The following MAGT1 variants were observed in gnomAD, a reference collection of about 807,000 sequenced individuals.
MAGT1 encodes the protein magnesium transporter 1, also known as dolichyl-diphosphooligosaccharide--protein glycosyltransferase subunit MAGT1.
A neutral mutation model predicts 28.4 loss-of-function variants in MAGT1; 4 were observed. That is an observed-to-expected ratio of 0.14 (90% CI 0.07 to 0.32). The LOEUF (loss-of-function observed/expected upper bound fraction) is 0.32. Among genes scored for constraint, MAGT1 ranks in the 10% least tolerant of loss-of-function variants. MAGT1 has a pLI of 1.00. For missense variants in MAGT1, 193 were observed against 264.5 expected (o/e 0.73, Z 1.88); for synonymous variants, 89 against 89.7 (o/e 0.99, Z 0.04).
At position 77,841,274 on chromosome X, in the gene MAGT1, G is replaced by A; in HGVS notation, c.873C>T (p.Thr291=). Residue 291 remains threonine (T), a synonymous_variant, in exon 8 of 10, where the codon ACC becomes ACT. Transcript: ENST00000618282. The stretch of plus-strand genomic sequence containing the variant: ...TTCGCTTTCCAATATCCATGTCAGA[G>A]GTAGCAGCTTCACATAAAAGCACCA... ...LGMVLLCEAA[T]SDMDIGKRKI... 1 of 1,207,493 alleles carries A rather than the reference G, an allele frequency of 8.3e-7. No individual in the cohort carries two copies. The highest frequency in any genetic ancestry group is 1.8e-5 in the South Asian group (1 of 56,899).
chrX:77,885,522 CA>C (rs1306233040), intron 1 of MAGT1: 141 of 80,513 alleles, frequency 1.8e-3, no homozygotes, highest in Admixed American at 2.7e-3. Context: ...GACTCTGTCT[CA>C]AAAAAAAAAA....
rs1196099079 is a variant in MAGT1 at position 77,834,245 on chromosome X, C to CATAT, written c.902-3354_902-3351dup. Among the ~76,000 whole-genome samples the CATAT allele has an allele frequency of 1.7e-4, 10 of 60,305 alleles. No homozygotes were observed. The East Asian group carries it at 3.5e-3, about 21-fold the overall frequency. The allele number at this position is 60,305 out of a possible 115,157, so 52.4% of individuals were successfully genotyped here. A position where few individuals can be genotyped will look rare whatever the true frequency, so the allele number is the denominator to read the frequency against. On this transcript the variant is annotated intron_variant, in intron 8 of 9. Coordinates refer to ENST00000618282, the MANE Select transcript of MAGT1 (RefSeq NM_001367916.1). ...ATATATGCATATATGTATATATATG[C>CATAT]ATATATATACATGTGTGTATATATG... is the stretch of plus-strand genomic sequence containing the variant.
chrX:77,885,593 A>G (rs2149028789), intron 1 of MAGT1: 1 of 108,690 alleles, frequency 9.2e-6, no homozygotes, highest in South Asian at 4.0e-4. Flanking sequence ...ATCATAGCTC[A>G]CTGCAGCCTC....
In MAGT1 at chrX:77,875,609, A is replaced by G. The variant is rs1464674708; in HGVS notation, c.103-12T>C. 3 of 1,200,941 alleles carry G rather than the reference A, an allele frequency of 2.5e-6. No homozygotes were observed. The East Asian group carries it at 8.9e-5, about 36-fold the overall frequency. On this transcript the variant is annotated splice_polypyrimidine_tract_variant and intron_variant, in intron 1 of 9. Coordinates refer to ENST00000618282, the MANE Select transcript of MAGT1 (RefSeq NM_001367916.1). ...TCAGATAACACCATCTAAAAAAGAC[A>G]AAGTGAGCATGCTATTAATATACTC...
intron 1 of MAGT1, among the ~76,000 whole-genome samples, chrX:77,890,740 G>T: frequency 9.0e-6 from 1 of 111,489 alleles, no homozygotes. Context: ...ACTGCATTAG[G>T]TACTTCACAT....
chrX:77,835,307 G>A (rs922165993), intron 8 of MAGT1, among the ~76,000 whole-genome samples: 6 of 111,331 alleles, frequency 5.4e-5, no homozygotes, highest in African/African-American at 1.6e-4. Flanking sequence ...CAAATGGCAA[G>A]TAGGCATAAA....
intron 7 of MAGT1, among the ~76,000 whole-genome samples, chrX:77,842,831 A>G (rs1557214534): frequency 1.8e-5 from 2 of 111,848 alleles, no homozygotes; most frequent in South Asian, 3.7e-4. Context: ...CATCTCAAAA[A>G]AAAAAGAAAA....
At chrX:77,833,128 A>G (rs1320026645) in intron 8 of MAGT1, among the ~76,000 whole-genome samples, 14 of 112,298 alleles carry the variant, frequency 1.2e-4, no homozygotes, top group African/African-American at 4.2e-4. Context: ...AACAGAACTA[A>G]CATCAGAATC....
At chrX:77,854,547 C>T (rs1259785822) in intron 6 of MAGT1, among the ~76,000 whole-genome samples, 4 of 110,686 alleles carry the variant, frequency 3.6e-5, no homozygotes, top group African/African-American at 1.3e-4. Context: ...TGACGTCTCA[C>T]TATGCTGCCC....
At chrX:77,829,463 C>T (rs1183978450) in intron 9 of MAGT1, among the ~76,000 whole-genome samples, 3 of 111,810 alleles carry the variant, frequency 2.7e-5, no homozygotes, top group African/African-American at 9.7e-5. Context: ...AATAGAGACA[C>T]TAATTAATAA....
chrX:77,893,175 T>C (rs2077088686), intron 1 of MAGT1, among the ~76,000 whole-genome samples: 1 of 111,879 alleles, frequency 8.9e-6, no homozygotes, highest in African/African-American at 3.3e-5. Context: ...ATACCTACAA[T>C]GACTATATGC....
chrX:77,876,791 A>T (rs2077036099), intron 1 of MAGT1, among the ~76,000 whole-genome samples: 1 of 111,122 alleles, frequency 9.0e-6, no homozygotes, highest in African/African-American at 3.3e-5. Flanking sequence ...AGGCGGGTGG[A>T]TAACCTGAGG....
chrX:77,892,296 CAA>C (rs1156402063), intron 1 of MAGT1, among the ~76,000 whole-genome samples: 1 of 111,848 alleles, frequency 8.9e-6, no homozygotes, highest in Non-Finnish European at 1.9e-5. Context: ...CAAAAATTGA[CAA>C]AAAAATGTTC....
Position 77,853,883 on chromosome X carries a change from C to G in MAGT1, c.826+18G>C, listed in dbSNP as rs966445947. The stretch of plus-strand genomic sequence containing the variant: ...AACAGACAAAATACAGCAAGAAAGA[C>G]TTATTGTAAAAGGATACTAAACAGA... On this transcript the variant is annotated intron_variant, in intron 7 of 9. Coordinates refer to ENST00000618282, the MANE Select transcript of MAGT1 (RefSeq NM_001367916.1). 1 of 1,175,110 alleles carries G rather than the reference C, an allele frequency of 8.5e-7. No homozygotes were observed.
At chrX:77,886,847 AATTTCTAT>A (rs1428982477) in intron 1 of MAGT1, among the ~76,000 whole-genome samples, 1 of 111,431 alleles carries the variant, frequency 9.0e-6, no homozygotes, top group African/African-American at 3.3e-5. Context: ...ATGTTATATA[AATTTCTAT>A]GGACAGCAAA....
In MAGT1 at chrX:77,835,210, T is replaced by A. The variant is rs1557213793; in HGVS notation, c.902-4315A>T. On this transcript the variant is annotated intron_variant, in intron 8 of 9. Transcript: ENST00000618282. ...CTCCTGACCTCATGATCCACCTGCC[T>A]CGGCCTCCCAAAGTGCTGGGATTAC... Among the ~76,000 whole-genome samples the A allele has an allele frequency of 3.6e-5, 4 of 110,206 alleles. No homozygotes were observed. The Admixed American group carries it at 3.9e-4, about 11-fold the overall frequency.
upstream of MAGT1, chrX:77,895,436 G>C (rs372603691): frequency 7.5e-6 from 9 of 1,205,654 alleles, no homozygotes; most frequent in Non-Finnish European, 1.0e-5. Flanking sequence ...TTCTATAAGT[G>C]AAACTTTGCT....
chrX:77,884,965 G>A (rs1242113508), intron 1 of MAGT1, among the ~76,000 whole-genome samples: 1 of 107,578 alleles, frequency 9.3e-6, no homozygotes, highest in Non-Finnish European at 1.9e-5. Context: ...GGGAGGCTGA[G>A]GCAGGAGAAT....
intron 1 of MAGT1, among the ~76,000 whole-genome samples, chrX:77,877,867 T>A (rs72628494): frequency 2.0e-5 from 1 of 50,763 alleles, no homozygotes; most frequent in African/African-American, 4.1e-5. Context: ...TAAAATAAAA[T>A]AAAATATACT....
Sources: allele counts gnomAD v4.1 joint callset (sites outside exome capture counted in the v4.1 genomes callset), GRCh38; gene constraint gnomAD v4.1.1; transcripts MANE v1.5; gene names NCBI Gene and HGNC (gene_info 2026-07-23, HGNC 2026-07-21).